Variants in LGSN observed in about 807,000 individuals in gnomAD.
The protein encoded by LGSN is lengsin, lens protein with glutamine synthetase domain.
A neutral mutation model predicts 19.5 loss-of-function variants in LGSN; 21 were observed. That is an observed-to-expected ratio of 1.07 (90% CI 0.76 to 1.55). The LOEUF (loss-of-function observed/expected upper bound fraction) is 1.55. LGSN is among the 40% of genes most tolerant of loss of function. The pLI is 0.00. For missense variants in LGSN, 673 were observed against 608.5 expected, an observed-to-expected ratio of 1.11 and a Z score of -1.12; for synonymous variants, 257 against 215.6, an observed-to-expected ratio of 1.19 and a Z score of -1.68.
In LGSN at chr6:63,280,114, G is replaced by A. The variant is rs1397677250; in HGVS notation, c.1437C>T (p.Thr479=). The change falls in exon 4 of 4, where the codon ACC becomes ACT. Residue 479 remains threonine, a synonymous_variant. Transcript: ENST00000370657. ...DQCLRQALGE[T]FIRYFVAMKK... is the part of the protein sequence containing the mutation. ...TCATGGCAACAAAATATCGAATAAAGGTTTCTCCTAGAGCCTGTCTCAGGC... is the reference window on the plus strand; with the variant it reads ...TCATGGCAACAAAATATCGAATAAAAGTTTCTCCTAGAGCCTGTCTCAGGC... The A allele has an allele frequency of 2.5e-6, 4 of 1,613,976 alleles. No individual in the cohort carries two copies. Among genetic ancestry groups the A allele is most frequent in the African/African-American group, 2.7e-5 (2 of 74,902 alleles).
the LGSN span, among the ~76,000 whole-genome samples, chr6:63,368,125 GA>G: frequency 2.7e-5 from 4 of 149,804 alleles, no homozygotes; most frequent in African/African-American, 4.9e-5. Flanking sequence ...CAGAAAAAAA[GA>G]AAAAAAAAGA....
chr6:63,377,926 A>G, the LGSN span, among the ~76,000 whole-genome samples: 19 of 150,358 alleles, frequency 1.3e-4, no homozygotes, highest in African/African-American at 7.3e-5. Flanking sequence ...AAAAAAAAAA[A>G]AAAAAAAAAG....
the LGSN span, among the ~76,000 whole-genome samples, chr6:63,500,311 A>G: frequency 2.0e-5 from 3 of 152,262 alleles, no homozygotes; most frequent in African/African-American, 4.8e-5. Flanking sequence ...TCACTGCTCC[A>G]AAGAAGGCAA....
At chr6:63,281,899 C>CA (rs1178413881) in intron 3 of LGSN, among the ~76,000 whole-genome samples, 1 of 152,144 alleles carries the variant, frequency 6.6e-6, no homozygotes, top group Non-Finnish European at 1.5e-5. Flanking sequence ...TTATAGCTTC[C>CA]AAAATGTTGT....
the LGSN span, among the ~76,000 whole-genome samples, chr6:63,385,304 G>A: frequency 6.6e-6 from 1 of 152,120 alleles, no homozygotes; most frequent in Non-Finnish European, 1.5e-5. Flanking sequence ...GTTGAGTATG[G>A]CAGATCTACC....
At chr6:63,533,756 A>T in the LGSN span, among the ~76,000 whole-genome samples, 1 of 152,150 alleles carries the variant, frequency 6.6e-6, no homozygotes, top group Non-Finnish European at 1.5e-5. Context: ...AGCATTGAGA[A>T]ATGTATGGGG....
At chr6:63,399,691 C>T in the LGSN span, among the ~76,000 whole-genome samples, 15 of 150,804 alleles carry the variant, frequency 9.9e-5, no homozygotes, top group African/African-American at 2.4e-4. Context: ...CCACTGCACC[C>T]GGCCATCATT....
chr6:63,391,515 TC>T, the LGSN span, among the ~76,000 whole-genome samples: 1 of 152,328 alleles, frequency 6.6e-6, no homozygotes, highest in South Asian at 2.1e-4. Flanking sequence ...CTCTGTATCC[TC>T]CAACACTGTT....
the LGSN span, among the ~76,000 whole-genome samples, chr6:63,552,287 T>G: frequency 1.3e-5 from 2 of 152,260 alleles, no homozygotes; most frequent in African/African-American, 2.4e-5. Flanking sequence ...TGGCCAGTGA[T>G]GGTGAGCATT....
At chr6:63,282,404 A>G (rs536963971) in intron 3 of LGSN, among the ~76,000 whole-genome samples, 3 of 151,938 alleles carry the variant, frequency 2.0e-5, no homozygotes, top group Admixed American at 6.6e-5. Flanking sequence ...ATTCCTCTTT[A>G]GTTCTGGAGA....
chr6:63,302,383 A>C (rs139151929), intron 1 of LGSN, among the ~76,000 whole-genome samples: 86 of 152,328 alleles, frequency 5.6e-4, no homozygotes, highest in African/African-American at 2.0e-3. Context: ...ATCAAGTAAA[A>C]TCCTAAAATG....
the LGSN span, among the ~76,000 whole-genome samples, chr6:63,403,617 T>C: frequency 3.3e-5 from 5 of 151,526 alleles, no homozygotes; most frequent in African/African-American, 1.2e-4. Context: ...ATCAATACAA[T>C]TGATAAAACT....
At chr6:63,281,307 ATAT>A (rs1767309095) in intron 3 of LGSN, 87 bp from the exon 4 acceptor site, 3 of 158,224 alleles carry the variant, frequency 1.9e-5, no homozygotes, top group African/African-American at 9.2e-5. Context: ...TAATGAAAAT[ATAT>A]ATATATATAT....
chr6:63,545,460 A>C, the LGSN span, among the ~76,000 whole-genome samples: 3 of 151,756 alleles, frequency 2.0e-5, no homozygotes, highest in East Asian at 5.8e-4. Context: ...AAATACAAAA[A>C]ATTAGCTGGG....
At chr6:63,446,982 G>A in the LGSN span, among the ~76,000 whole-genome samples, 1 of 152,212 alleles carries the variant, frequency 6.6e-6, no homozygotes, top group Admixed American at 6.5e-5. Flanking sequence ...CCAGGAGGCG[G>A]AGGTTGCAGT....
the LGSN span, among the ~76,000 whole-genome samples, chr6:63,483,938 G>C: frequency 6.6e-6 from 1 of 151,834 alleles, no homozygotes; most frequent in African/African-American, 2.4e-5. Flanking sequence ...TGAATTTGAG[G>C]GAGTACAGTT....
chr6:63,418,915 C>T, the LGSN span, among the ~76,000 whole-genome samples: 2 of 152,130 alleles, frequency 1.3e-5, no homozygotes, highest in Non-Finnish European at 2.9e-5. Context: ...AGACTTCCCT[C>T]TTCACAGCAT....
At chr6:63,348,996 C>G in the LGSN span, among the ~76,000 whole-genome samples, 1 of 151,954 alleles carries the variant, frequency 6.6e-6, no homozygotes, top group Non-Finnish European at 1.5e-5. Flanking sequence ...TTCAAGCAAT[C>G]GAGAATTGTT....
chr6:63,412,771 G>GAAAGAAAGAAAGAAAGAGAAA, the LGSN span, among the ~76,000 whole-genome samples: 5 of 34,298 alleles, frequency 1.5e-4, no homozygotes, highest in Admixed American at 4.9e-4. Context: ...AAGAAAGAAA[G>GAAAGAAAGAAAGAAAGAGAAA]GAAGGAAGGG....
Sources: gnomAD v4.1 joint callset for allele counts (sites outside exome capture counted in the v4.1 genomes callset) on GRCh38, gnomAD v4.1.1 for gene constraint, MANE v1.5 for transcripts, NCBI Gene and HGNC (gene_info 2026-07-23, HGNC 2026-07-21) for gene names.